The following MKLN1 variants were observed in gnomAD, a reference collection of about 807,000 sequenced individuals.
MKLN1 encodes muskelin.
A neutral mutation model predicts 99.0 loss-of-function variants in MKLN1; 18 were observed. That is an observed-to-expected ratio of 0.18 (90% CI 0.13 to 0.27). The LOEUF is 0.27. MKLN1 is among the 10% of genes least tolerant of loss of function. The pLI is 1.00. For missense variants in MKLN1, 621 were observed against 875.9 expected (o/e 0.71, Z 3.67); for synonymous variants, 288 against 293.2 (o/e 0.98, Z 0.18).
intron 12 of MKLN1, among the ~76,000 whole-genome samples, chr7:131,462,886 A>T (rs1796557268): frequency 6.6e-6 from 1 of 152,146 alleles, no homozygotes; most frequent in African/African-American, 2.4e-5. Flanking sequence ...CTTTGGGAAG[A>T]TGAGGCAGGA....
chr7:131,327,936 T>A lies in MKLN1; in HGVS notation c.37T>A (p.Cys13Ser). The A allele has an allele frequency of 6.2e-7, 1 of 1,613,528 alleles. No homozygotes were observed. Among genetic ancestry groups the A allele is most frequent in the South Asian group, 1.1e-5 (1 of 91,082 alleles). The change falls in exon 1 of 18, where the codon TGC (cysteine) becomes AGC (serine). Residue 13 changes from cysteine (C) to serine (S), a missense_variant. By Grantham distance (112) the Cys-to-Ser change is moderately radical (BLOSUM62 -1). This residue lies in a region of MKLN1 where 58 missense variants were observed against 40.0 expected (regional missense o/e 1.45). Coordinates refer to ENST00000352689, the MANE Select transcript of MKLN1 (RefSeq NM_013255.5). Reference sequence around the variant, plus strand: ...CGGAGCTGTCGCTGCGGCGCCCGAGTGCCGGCTTCTCCCCTACGCGCTACA... The same window carrying A: ...CGGAGCTGTCGCTGCGGCGCCCGAGAGCCGGCTTCTCCCCTACGCGCTACA... ...AGGAVAAAPE[C>S]RLLPYALHKW...
intron 3 of MKLN1, among the ~76,000 whole-genome samples, chr7:131,289,619 G>C (rs1341949151): frequency 2.0e-5 from 3 of 152,170 alleles, no homozygotes; most frequent in Non-Finnish European, 4.4e-5. Flanking sequence ...CAGACCACCT[G>C]AGTTCCAATC....
intron 3 of MKLN1, among the ~76,000 whole-genome samples, chr7:131,227,985 G>A (rs774364760): frequency 6.6e-5 from 10 of 152,294 alleles, no homozygotes; most frequent in African/African-American, 1.2e-4. Flanking sequence ...GCCCAGCTTC[G>A]TGTGTGGCCC....
At chr7:131,319,520 T>C (rs1798732906) in intron 3 of MKLN1, among the ~76,000 whole-genome samples, 1 of 152,214 alleles carries the variant, frequency 6.6e-6, no homozygotes, top group South Asian at 2.1e-4. Context: ...GGCATTCCCT[T>C]TGAAAACTGG....
chr7:131,264,722 A>G (rs1487494236), intron 3 of MKLN1, among the ~76,000 whole-genome samples: 4 of 152,130 alleles, frequency 2.6e-5, no homozygotes, highest in Admixed American at 6.5e-5. Context: ...TTGTTCAGCT[A>G]GAGAAGTTGT....
chr7:131,216,181 C>T (rs1229754471), intron 3 of MKLN1, among the ~76,000 whole-genome samples: 3 of 152,048 alleles, frequency 2.0e-5, no homozygotes, highest in African/African-American at 7.2e-5. Flanking sequence ...AGGCAGATCA[C>T]CTGAGGTCAG....
intron 8 of MKLN1, among the ~76,000 whole-genome samples, chr7:131,416,730 G>C (rs1563337378): frequency 1.3e-5 from 2 of 151,854 alleles, no homozygotes; most frequent in South Asian, 4.2e-4. Flanking sequence ...GACTGTAGTT[G>C]CAACACTTTG....
chr7:131,126,565 T>G (rs1795463249), intron 1 of MKLN1, among the ~76,000 whole-genome samples: 1 of 152,142 alleles, frequency 6.6e-6, no homozygotes, highest in Non-Finnish European at 1.5e-5. Context: ...TATATATTTT[T>G]TTTTCCTGAT....
chr7:131,428,696 C>T (rs1489375100), intron 8 of MKLN1, among the ~76,000 whole-genome samples: 1 of 152,174 alleles, frequency 6.6e-6, no homozygotes, highest in East Asian at 1.9e-4. Flanking sequence ...AAACTCCAAA[C>T]CAGCTGCACG....
intron 2 of MKLN1, among the ~76,000 whole-genome samples, chr7:131,191,112 C>G (rs1168141067): frequency 6.6e-6 from 1 of 152,186 alleles, no homozygotes; most frequent in African/African-American, 2.4e-5. Flanking sequence ...CCTTGGGTAG[C>G]AAAACACTGC....
At chr7:131,447,373 T>A (rs1796046086) in intron 12 of MKLN1, among the ~76,000 whole-genome samples, 1 of 152,220 alleles carries the variant, frequency 6.6e-6, no homozygotes, top group Admixed American at 6.5e-5. Flanking sequence ...TGACTTTCTC[T>A]GGCTTTTAAG....
intron 1 of MKLN1, among the ~76,000 whole-genome samples, chr7:131,367,596 C>G (rs1800217905): frequency 6.6e-6 from 1 of 152,216 alleles, no homozygotes; most frequent in African/African-American, 2.4e-5. Context: ...TGCATGGTCT[C>G]TCAAGATACC....
At position 131,138,434 on chromosome 7, in the gene MKLN1, T is replaced by C. The variant is rs192889642; in HGVS notation, c.-418-4386T>C. Reference sequence around the variant, plus strand: ...AGTGGAAGTTACACTGAACCAGGCATTTCATTTCCAGGTGCCTTGGTCTCT... The same window carrying C: ...AGTGGAAGTTACACTGAACCAGGCACTTCATTTCCAGGTGCCTTGGTCTCT... On this transcript the variant is annotated intron_variant, in intron 1 of 7. Transcript: ENST00000416992. 1.6e-3 allele frequency among the ~76,000 whole-genome samples: 244 copies of C among 152,290 alleles called. 1 individual carries two copies. The highest frequency in any genetic ancestry group is 4.4e-3 in the Admixed American group (67 of 15,290).
intron 3 of MKLN1, among the ~76,000 whole-genome samples, chr7:131,263,343 TTATTAATAATAA>T (rs1797761130): frequency 9.4e-6 from 1 of 106,906 alleles, no homozygotes; most frequent in Non-Finnish European, 2.0e-5. Flanking sequence ...ATCTCTACAA[TTATTAATAATAA>T]TAATAATAAT....
intron 17 of MKLN1, among the ~76,000 whole-genome samples, chr7:131,483,012 C>T (rs1313136226): frequency 3.3e-5 from 5 of 152,186 alleles, no homozygotes; most frequent in Non-Finnish European, 7.4e-5. Context: ...CTTCAGAGCG[C>T]CTTTTCTAAA....
At chr7:131,485,145 A>G (rs760692504) in intron 17 of MKLN1, among the ~76,000 whole-genome samples, 1 of 152,094 alleles carries the variant, frequency 6.6e-6, no homozygotes, top group Non-Finnish European at 1.5e-5. Flanking sequence ...AAAGTAAGGA[A>G]GTACCCCAAA....
In MKLN1 at chr7:131,289,441, C is replaced by T. The variant is rs565868551; in HGVS notation, c.-178-85983C>T. ...AGGAGTTTGAGACCAGCCTGGCCAA[C>T]ATAGCGAGACCTCATCTCTACAAAA... On this transcript the variant is annotated intron_variant, in intron 3 of 7. Transcript: ENST00000416992. Among the ~76,000 whole-genome samples the T allele has an allele frequency of 9.2e-5, 14 of 152,234 alleles. No homozygotes were observed. In the East Asian group the frequency reaches 2.5e-3, roughly 27 times the overall value.
intron 8 of MKLN1, among the ~76,000 whole-genome samples, chr7:131,425,639 A>G (rs1214744605): frequency 6.6e-6 from 1 of 152,212 alleles, no homozygotes; most frequent in Admixed American, 6.5e-5. Context: ...ATGGATAGAC[A>G]CTATAGCCTA....
chr7:131,347,394 C>T (rs1464652727), intron 1 of MKLN1, among the ~76,000 whole-genome samples: 1 of 152,126 alleles, frequency 6.6e-6, no homozygotes, highest in Non-Finnish European at 1.5e-5. Flanking sequence ...GAGCCTGATG[C>T]TGGAGAAACC....
Sources: allele counts gnomAD v4.1 joint callset (sites outside exome capture counted in the v4.1 genomes callset), GRCh38; gene constraint gnomAD v4.1.1; regional missense constraint gnomAD v4.1.1; transcripts MANE v1.5; gene names NCBI Gene and HGNC (gene_info 2026-07-23, HGNC 2026-07-21).